Variants in UGT1A8 observed in about 807,000 individuals in gnomAD.
The protein encoded by UGT1A8 is UDP glucuronosyltransferase family 1 member A8.
A neutral mutation model predicts 45.3 loss-of-function variants in UGT1A8; 39 were observed. The observed-to-expected ratio is 0.86, with a 90% CI of 0.67 to 1.12. The LOEUF (loss-of-function observed/expected upper bound fraction) is 1.12, where lower values mean the gene tolerates loss of function less well. Among genes scored for constraint, UGT1A8 ranks in the 50% most tolerant of loss-of-function variants. UGT1A8 has a pLI of 0.00. For synonymous variants in UGT1A8, 275 were observed against 249.2 expected, an observed-to-expected ratio of 1.10 and a Z score of -0.97; for missense variants, 719 against 664.9, an observed-to-expected ratio of 1.08 and a Z score of -0.90.
intron 1 of UGT1A8, chr2:233,692,913 A>G: frequency 3.8e-6 from 6 of 1,559,188 alleles, no homozygotes; most frequent in Non-Finnish European, 5.2e-6. Flanking sequence ...ACCTGTGAAA[A>G]GCAGTGGTTA....
chr2:233,756,209 T>A (rs1696149779), intron 1 of UGT1A8: 1 of 152,246 alleles, frequency 6.6e-6, no homozygotes. Flanking sequence ...TCCCTGGTAT[T>A]CTGAAGGGAT....
At chr2:233,636,591 C>T (rs538561016) in intron 1 of UGT1A8, 75 of 1,614,040 alleles carry the variant, frequency 4.6e-5, no homozygotes, top group Middle Eastern at 1.6e-4. Flanking sequence ...GTGGCTTTGC[C>T]GAGGCAGGGA....
At chr2:233,663,538 T>G (rs1008166625) in intron 1 of UGT1A8, among the ~76,000 whole-genome samples, 1 of 152,044 alleles carries the variant, frequency 6.6e-6, no homozygotes, top group Non-Finnish European at 1.5e-5. Flanking sequence ...GCACTGATCT[T>G]AGGAGTGGTT....
At chr2:233,706,525 T>C (rs1041357366) in intron 1 of UGT1A8, among the ~76,000 whole-genome samples, 2 of 152,202 alleles carry the variant, frequency 1.3e-5, no homozygotes, top group Admixed American at 6.5e-5. Flanking sequence ...TTACAGCGGC[T>C]TAGAAACACA....
chr2:233,703,443 C>T (rs1040627935), intron 1 of UGT1A8, among the ~76,000 whole-genome samples: 3 of 151,842 alleles, frequency 2.0e-5, no homozygotes, highest in African/African-American at 7.3e-5. Context: ...ATTTCTATGT[C>T]GTTAATTTCC....
chr2:233,636,494 C>T (rs775507375), intron 1 of UGT1A8: 31 of 1,596,286 alleles, frequency 1.9e-5, no homozygotes, highest in Non-Finnish European at 2.6e-5. Context: ...CTTAGAATCC[C>T]AGCTGCTGGC....
intron 1 of UGT1A8, among the ~76,000 whole-genome samples, chr2:233,684,257 G>T (rs1035516558): frequency 6.6e-6 from 1 of 152,204 alleles, no homozygotes; most frequent in African/African-American, 2.4e-5. Flanking sequence ...GACTACAGTT[G>T]TAGGCCTTTC....
chr2:233,623,530 T>A (rs1398959071), intron 1 of UGT1A8, among the ~76,000 whole-genome samples: 1 of 152,162 alleles, frequency 6.6e-6, no homozygotes, highest in African/African-American at 2.4e-5. Flanking sequence ...ATTCTTGGCA[T>A]GTCATTCCAT....
rs764952775 is a variant in UGT1A8 at position 233,762,693 on chromosome 2, ATCTTT to A, written c.856-4336_856-4332del. Reference sequence around the variant, plus strand: ...CATTTGTTCTGTTTCTTTCTCATTCATCTTTTCTTAAGTATTTTACACGGTTTTTT... The same window carrying A: ...CATTTGTTCTGTTTCTTTCTCATTCATCTTAAGTATTTTACACGGTTTTTT... On this transcript the variant is annotated intron_variant, in intron 1 of 4. Coordinates refer to ENST00000373450, the MANE Select transcript of UGT1A8 (RefSeq NM_019076.5). Among the ~76,000 whole-genome samples, 18 of 148,206 alleles carry A rather than the reference ATCTTT, an allele frequency of 1.2e-4. No homozygotes were observed. In the East Asian group the frequency reaches 2.7e-3, roughly 23 times the overall value.
intron 1 of UGT1A8, chr2:233,748,089 C>G (rs17863798): frequency 2.3e-5 from 37 of 1,612,724 alleles, no homozygotes; most frequent in Non-Finnish European, 2.8e-5. Flanking sequence ...GGTCGGTGTT[C>G]GTGCCTTCAT....
intron 1 of UGT1A8, among the ~76,000 whole-genome samples, chr2:233,624,416 G>T (rs1343427463): frequency 6.6e-6 from 1 of 152,032 alleles, no homozygotes; most frequent in African/African-American, 2.4e-5. Flanking sequence ...GTTTTTAGTA[G>T]GAAGATGCGG....
At chr2:233,682,283 A>G in intron 1 of UGT1A8, 1 of 1,614,164 alleles carries the variant, frequency 6.2e-7, no homozygotes, top group Non-Finnish European at 8.5e-7. Flanking sequence ...ATCCAATGGT[A>G]TTTTTGACTT....
At chr2:233,667,861 T>A (rs2074109637) in intron 1 of UGT1A8, among the ~76,000 whole-genome samples, 1 of 152,166 alleles carries the variant, frequency 6.6e-6, no homozygotes, top group East Asian at 1.9e-4. Context: ...AGAATGGCAA[T>A]CATTAAAAAG....
Position 233,656,923 on chromosome 2 carries a change from C to CTT in UGT1A8, c.855+38372_855+38373dup, listed in dbSNP as rs961609429. 4.8e-5 allele frequency among the ~76,000 whole-genome samples: 7 copies of CTT among 146,748 alleles called. No homozygotes were observed. The East Asian group carries it at 8.0e-4, about 17-fold the overall frequency. ...TGTGGCATCTCCCTTAGTTAAACATCTTTTTTTTTTTTCCTTTCCTGTGAG... is the reference window on the plus strand; with the variant it reads ...TGTGGCATCTCCCTTAGTTAAACATCTTTTTTTTTTTTTTCCTTTCCTGTGAG... On this transcript the variant is annotated intron_variant, in intron 1 of 4. Coordinates refer to ENST00000373450, the MANE Select transcript of UGT1A8 (RefSeq NM_019076.5).
intron 1 of UGT1A8, among the ~76,000 whole-genome samples, chr2:233,748,288 C>A (rs1342062213): frequency 1.3e-5 from 2 of 151,844 alleles, no homozygotes; most frequent in South Asian, 2.1e-4. Flanking sequence ...AAGAGGCAGA[C>A]ATGAATGTTT....
chr2:233,685,554 A>G (rs557417224), intron 1 of UGT1A8, among the ~76,000 whole-genome samples: 1 of 152,278 alleles, frequency 6.6e-6, no homozygotes, highest in South Asian at 2.1e-4. Context: ...TTTTGATCCA[A>G]ATTCAAATTT....
chr2:233,640,944 C>T (rs1420387879), intron 1 of UGT1A8, among the ~76,000 whole-genome samples: 1 of 152,170 alleles, frequency 6.6e-6, no homozygotes, highest in African/African-American at 2.4e-5. Flanking sequence ...CTATAAGTCT[C>T]CCTTTCTTCA....
chr2:233,761,493 C>T (rs34652311), intron 1 of UGT1A8, among the ~76,000 whole-genome samples: 4,469 of 152,304 alleles, frequency 0.029, 206 homozygotes, highest in African/African-American at 0.1. Flanking sequence ...TGCACCTTGC[C>T]CTGGATTCAG....
intron 1 of UGT1A8, chr2:233,741,585 C>T (rs370534544): frequency 1.3e-5 from 2 of 151,864 alleles, no homozygotes; most frequent in South Asian, 2.1e-4. Flanking sequence ...CCAGGCACCT[C>T]GGAGCATGTT....
Sources: allele counts gnomAD v4.1 joint callset (sites outside exome capture counted in the v4.1 genomes callset), GRCh38; gene constraint gnomAD v4.1.1; transcripts MANE v1.5; gene names NCBI Gene and HGNC (gene_info 2026-07-23, HGNC 2026-07-21).